CA5A: variants seen among roughly 807,000 people sequenced by gnomAD.
CA5A encodes the protein carbonic anhydrase 5A, mitochondrial.
A neutral mutation model predicts 37.1 loss-of-function variants in CA5A; 28 were observed. The observed-to-expected ratio is 0.75, with a 90% confidence interval of 0.56 to 1.03. The LOEUF (loss-of-function observed/expected upper bound fraction) is 1.03, where lower values mean the gene tolerates loss of function less well. Ranked by LOEUF, CA5A falls within the 50% of genes least tolerant of loss-of-function variation. The pLI is 0.00. For synonymous variants in CA5A, 171 were observed against 158.4 expected, an observed-to-expected ratio of 1.08 and a Z score of -0.60; for missense variants, 444 against 399.9, an observed-to-expected ratio of 1.11 and a Z score of -0.94.
At chr16:87,912,724 A>G (rs1268295361) in intron 2 of CA5A, among the ~76,000 whole-genome samples, 30 of 152,218 alleles carry the variant, frequency 2.0e-4, no homozygotes, top group Admixed American at 2.0e-3. Context: ...TGGGACGCCC[A>G]GGAGGGCCCC....
intron 2 of CA5A, among the ~76,000 whole-genome samples, chr16:87,907,506 T>C (rs1336562720): frequency 1.3e-5 from 2 of 152,200 alleles, no homozygotes; most frequent in Non-Finnish European, 2.9e-5. Flanking sequence ...TCATCTCTTC[T>C]AGAATAGAAA....
intron 2 of CA5A, among the ~76,000 whole-genome samples, chr16:87,914,778 A>AG (rs1567528271): frequency 6.6e-6 from 1 of 151,980 alleles, no homozygotes; most frequent in African/African-American, 2.4e-5. Flanking sequence ...TGGGCTTGGG[A>AG]GGGGCTGGCA....
At chr16:87,924,914 C>T (rs1189751271) in intron 2 of CA5A, among the ~76,000 whole-genome samples, 1 of 152,238 alleles carries the variant, frequency 6.6e-6, no homozygotes, top group East Asian at 1.9e-4. Flanking sequence ...GATTCTCTCC[C>T]TGCAGCCTTT....
At chr16:87,929,294 A>C (rs2056363086) in intron 1 of CA5A, among the ~76,000 whole-genome samples, 1 of 151,112 alleles carries the variant, frequency 6.6e-6, no homozygotes, top group Admixed American at 6.6e-5. Context: ...TCTACTAATA[A>C]TGCAAAAATT....
At chr16:87,926,154 G>A (rs2056305547) in intron 2 of CA5A, among the ~76,000 whole-genome samples, 1 of 152,144 alleles carries the variant, frequency 6.6e-6, no homozygotes, top group South Asian at 2.1e-4. Context: ...AGGAGACAGA[G>A]GTTGCAGTGA....
intron 4 of CA5A, 149 bp from the exon 5 acceptor site, chr16:87,902,123 G>A: frequency 1.4e-6 from 1 of 727,618 alleles, no homozygotes; most frequent in Non-Finnish European, 2.4e-6. Context: ...GGAGGCCGAG[G>A]TGGGCGGATC....
In CA5A at chr16:87,918,254, C is replaced by G. The variant is rs553908997; in HGVS notation, c.340+8494G>C. Among the ~76,000 whole-genome samples the G allele has an allele frequency of 4.6e-5, 7 of 152,356 alleles. No individual in the cohort carries two copies. In the South Asian group the frequency reaches 1.5e-3, roughly 32 times the overall value. On this transcript the variant is annotated intron_variant, in intron 2 of 6. Coordinates refer to ENST00000649794, the MANE Select transcript of CA5A (RefSeq NM_001739.2). ...ACAGCCCTGCCCAATGAGCTGGGCC[C>G]TCCCGCACCTTTAGGGAATGAGCTG...
At chr16:87,915,230 C>G (rs545464456) in intron 2 of CA5A, among the ~76,000 whole-genome samples, 25 of 152,194 alleles carry the variant, frequency 1.6e-4, no homozygotes, top group Non-Finnish European at 3.4e-4. Flanking sequence ...ATCTACAATT[C>G]GAAGCTCCAC....
chr16:87,912,281 G>A (rs1021073476), intron 2 of CA5A, among the ~76,000 whole-genome samples: 2 of 152,080 alleles, frequency 1.3e-5, no homozygotes, highest in African/African-American at 2.4e-5. Flanking sequence ...CAGCCTGGGC[G>A]ACAGAGGGAG....
At chr16:87,910,014 G>A (rs1416869666) in intron 2 of CA5A, among the ~76,000 whole-genome samples, 1 of 152,164 alleles carries the variant, frequency 6.6e-6, no homozygotes, top group East Asian at 1.9e-4. Context: ...CCATAGGACT[G>A]CTGTTACGGT....
chr16:87,924,494 G>A (rs932187569), intron 2 of CA5A, among the ~76,000 whole-genome samples: 1 of 152,206 alleles, frequency 6.6e-6, no homozygotes, highest in African/African-American at 2.4e-5. Context: ...CTCTCCATGG[G>A]GTGCCTCTCC....
rs2056056334 is a variant in CA5A at position 87,911,789 on chromosome 16, G to T, written c.341-6885C>A. 6.6e-6 allele frequency among the ~76,000 whole-genome samples: 1 copy of T among 152,124 alleles called. No homozygotes were observed. Among genetic ancestry groups the T allele is most frequent in the Admixed American group, 6.6e-5 (1 of 15,250 alleles). ...CCAGGCAAATGTGGGCTCCAATCCT[G>T]GCTTCACACGGTGGGGCTTTGCAAG... On this transcript the variant is annotated intron_variant, in intron 2 of 6. Coordinates refer to ENST00000649794, the MANE Select transcript of CA5A (RefSeq NM_001739.2). This position sits in a 1 kb window ranked among gnomAD's most constrained non-coding sequence, Gnocchi z 4.6.
intron 1 of CA5A, among the ~76,000 whole-genome samples, chr16:87,930,119 C>T (rs1365943451): frequency 1.3e-5 from 2 of 152,106 alleles, no homozygotes; most frequent in South Asian, 2.1e-4. Flanking sequence ...ATGGTAACAT[C>T]TGCTAGGGGT....
chr16:87,915,494 G>T (rs1183589391), intron 2 of CA5A, among the ~76,000 whole-genome samples: 1 of 149,068 alleles, frequency 6.7e-6, no homozygotes, highest in Non-Finnish European at 1.5e-5. Context: ...ATGCACTTCA[G>T]CTTGGGCAAC....
intron 2 of CA5A, among the ~76,000 whole-genome samples, chr16:87,905,869 C>T (rs1050418519): frequency 7.9e-5 from 12 of 152,236 alleles, no homozygotes; most frequent in African/African-American, 2.9e-4. Flanking sequence ...GGTGCAGCCT[C>T]CCAGGAGCTT....
At chr16:87,915,039 T>G (rs1186192562) in intron 2 of CA5A, among the ~76,000 whole-genome samples, 1 of 152,258 alleles carries the variant, frequency 6.6e-6, no homozygotes, top group East Asian at 1.9e-4. Context: ...AGCTCCATCC[T>G]GAGCGTTTCA....
chr16:87,894,887 C>T (rs1267669046), intron 5 of CA5A, among the ~76,000 whole-genome samples: 2 of 151,840 alleles, frequency 1.3e-5, no homozygotes, highest in East Asian at 1.9e-4. Flanking sequence ...TCTCAAACAA[C>T]AGCAGCAGCA....
intron 2 of CA5A, among the ~76,000 whole-genome samples, chr16:87,925,905 A>C (rs2056300478): frequency 6.6e-6 from 1 of 151,760 alleles, no homozygotes; most frequent in African/African-American, 2.4e-5. Context: ...GTCTGTCCTC[A>C]CAGCAGCTGT....
chr16:87,928,927 C>T (rs72816349), intron 1 of CA5A, among the ~76,000 whole-genome samples: 25,733 of 150,810 alleles, frequency 0.17, 2,395 homozygotes, highest in Admixed American at 0.25. Flanking sequence ...GCCGCCACAC[C>T]TGGCTACTTT....
Sources: gnomAD v4.1 joint callset for allele counts (sites outside exome capture counted in the v4.1 genomes callset) on GRCh38, gnomAD v4.1.1 for gene constraint, Gnocchi (gnomAD v3.1) non-coding constraint, MANE v1.5 for transcripts, NCBI Gene and HGNC (gene_info 2026-07-23, HGNC 2026-07-21) for gene names.